INTS2: variants seen among roughly 807,000 people sequenced by gnomAD.
INTS2 encodes the protein integrator complex subunit 2, also known as KIAA1287.
Under a neutral mutation model 139.6 loss-of-function variants are expected in INTS2, and 57 were observed. That is an observed-to-expected ratio of 0.41 (90% CI 0.33 to 0.51). The LOEUF (loss-of-function observed/expected upper bound fraction) is 0.51, where lower values mean the gene tolerates loss of function less well. Among genes scored for constraint, INTS2 ranks in the 20% least tolerant of loss-of-function variants. The probability of loss-of-function intolerance (pLI) is 0.28; values close to 1 mark genes in which losing one functional copy is unlikely to be tolerated. For missense variants in INTS2, 1,196 were observed against 1,436.7 expected (o/e 0.83, Z 2.71); for synonymous variants, 473 against 493.4 (o/e 0.96, Z 0.55).
chr17:61,901,581 T>C (rs1456253497), intron 9 of INTS2, among the ~76,000 whole-genome samples: 6 of 25,936 alleles, frequency 2.3e-4, no homozygotes, highest in South Asian at 4.3e-3. Flanking sequence ...TGATTTCTTT[T>C]TTTTTTTTTT....
At chr17:61,902,926 G>A (rs751822984) in intron 9 of INTS2, among the ~76,000 whole-genome samples, 1 of 151,100 alleles carries the variant, frequency 6.6e-6, no homozygotes, top group Non-Finnish European at 1.5e-5. Flanking sequence ...CAGCACTTTG[G>A]GAGGCCGAGG....
intron 11 of INTS2, among the ~76,000 whole-genome samples, chr17:61,896,887 T>A (rs944301943): frequency 6.6e-6 from 1 of 152,194 alleles, no homozygotes; most frequent in Non-Finnish European, 1.5e-5. Flanking sequence ...GTCATACACT[T>A]TTCCTTAGCA....
chr17:61,902,382 G>A (rs558643151), intron 9 of INTS2, among the ~76,000 whole-genome samples: 1 of 151,932 alleles, frequency 6.6e-6, no homozygotes, highest in Non-Finnish European at 1.5e-5. Context: ...AATGATTGTC[G>A]TATTTTCTTA....
rs573094487 is a variant in INTS2, at chr17:61,873,575, C to A, written c.2583-1115G>T. ...TAAATCATTTTTTCAAGAAACAGCT[C>A]TTTTCTAGAAGTGTTATTTATTGTG... On this transcript the variant is annotated intron_variant, in intron 19 of 24. Coordinates refer to ENST00000251334, the MANE Select transcript of INTS2 (RefSeq NM_001351695.2). This position sits in a 1 kb window ranked among gnomAD's most constrained non-coding sequence, Gnocchi z 4.0. Among the ~76,000 whole-genome samples the A allele has an allele frequency of 6.6e-5, 10 of 152,196 alleles. No homozygotes were observed. Among genetic ancestry groups the A allele is most frequent in the African/African-American group, 2.4e-4 (10 of 41,532 alleles).
rs749849092 is a variant in INTS2, at chr17:61,912,059, G to A, written c.661C>T (p.Leu221=). 6.2e-7 allele frequency: 1 copy of A among 1,613,288 alleles called. No homozygotes were observed. Among genetic ancestry groups the A allele is most frequent in the Admixed American group, 1.7e-5 (1 of 59,918 alleles). The change falls in exon 6 of 25, where the codon CTG becomes TTG. Residue 221 remains leucine, a synonymous_variant. Transcript: ENST00000251334. ...PDSFNEVCRG[L]IKNGERQDEE... ...TCTTGTCGTTCTCCATTTTTTATCA[G>A]GCCCCTACAAACTAACATGATAGAA...
intron 15 of INTS2, among the ~76,000 whole-genome samples, chr17:61,887,186 A>C (rs536305450): frequency 6.6e-6 from 1 of 152,152 alleles, no homozygotes; most frequent in Non-Finnish European, 1.5e-5. Flanking sequence ...TGAGTTAACT[A>C]TAAGACTAAA....
In INTS2 at chr17:61,872,904, T is replaced by A. The variant is rs1309600331; in HGVS notation, c.2583-444A>T. 6.6e-6 allele frequency among the ~76,000 whole-genome samples: 1 copy of A among 152,152 alleles called. No homozygotes were observed. The highest frequency in any genetic ancestry group is 1.5e-5 in the Non-Finnish European group (1 of 68,022). ...AGTCTAATAAGAATATAAATTAAAA[T>A]GGGAATCTATTTTCACCTATCAAAT... On this transcript the variant is annotated intron_variant, in intron 19 of 24. Coordinates refer to ENST00000251334, the MANE Select transcript of INTS2 (RefSeq NM_001351695.2). This position sits in a 1 kb window ranked among gnomAD's most constrained non-coding sequence, Gnocchi z 4.8.
In INTS2 at chr17:61,875,091, G is replaced by A; in HGVS notation, c.2457-53C>T. ...AACAGTTTTTTATATATTAAAATCTGTAGCCATCCAGTCCTTTCTATCTTA... is the reference window on the plus strand; with the variant it reads ...AACAGTTTTTTATATATTAAAATCTATAGCCATCCAGTCCTTTCTATCTTA... On this transcript the variant is annotated intron_variant, in intron 18 of 24. Coordinates refer to ENST00000251334, the MANE Select transcript of INTS2 (RefSeq NM_001351695.2). The surrounding 1 kb of genome is among the most constrained non-coding windows in gnomAD (Gnocchi z 4.6). 2.2e-6 allele frequency: 3 copies of A among 1,335,532 alleles called. No homozygotes were observed. Among genetic ancestry groups the A allele is most frequent in the South Asian group, 1.6e-5 (1 of 62,342 alleles). 82.7% of individuals were successfully genotyped at this position (1,335,532 alleles called of 1,614,324 possible).
intron 8 of INTS2, among the ~76,000 whole-genome samples, chr17:61,906,229 C>A (rs1172557130): frequency 6.6e-6 from 1 of 152,102 alleles, no homozygotes; most frequent in Non-Finnish European, 1.5e-5. Flanking sequence ...CTCATTGGAG[C>A]ATTAAGGATT....
intron 5 of INTS2, among the ~76,000 whole-genome samples, chr17:61,913,563 G>A (rs1005867257): frequency 1.3e-5 from 2 of 151,904 alleles, no homozygotes; most frequent in African/African-American, 2.4e-5. Context: ...CAATCCTCCC[G>A]TTTTGGCCTC....
intron 7 of INTS2, chr17:61,911,194 A>C (rs2079523213): frequency 5.8e-6 from 2 of 342,966 alleles, no homozygotes; most frequent in Non-Finnish European, 1.0e-5. Flanking sequence ...CCCTGGCTTA[A>C]GCAATCTTCC....
At chr17:61,917,468 C>G (rs933978868) in intron 5 of INTS2, among the ~76,000 whole-genome samples, 2 of 152,206 alleles carry the variant, frequency 1.3e-5, no homozygotes, top group African/African-American at 4.8e-5. Flanking sequence ...GAAATCATGT[C>G]CTTTGCCGCA....
At position 61,867,692 on chromosome 17, in the gene INTS2, C is replaced by A; in HGVS notation, c.3456G>T (p.Trp1152Cys). The A allele has an allele frequency of 6.2e-7, 1 of 1,608,714 alleles. No homozygotes were observed. Among genetic ancestry groups the A allele is most frequent in the Non-Finnish European group, 8.5e-7 (1 of 1,177,472 alleles). The change falls in exon 25 of 25, where the codon TGG becomes TGT. Residue 1152 changes from tryptophan (W) to cysteine (C), a missense_variant. Coordinates refer to ENST00000251334, the MANE Select transcript of INTS2 (RefSeq NM_001351695.2). The surrounding 1 kb of genome is among the most constrained non-coding windows in gnomAD (Gnocchi z 5.6). ...LQQIKEKPSG[W>C]SQICKDSSYK... ...AAGATGAATCTTTACAGATTTGAGACCATCCACTTGGTTTCTCCTTTATTT... is the reference window on the plus strand; with the variant it reads ...AAGATGAATCTTTACAGATTTGAGAACATCCACTTGGTTTCTCCTTTATTT...
Position 61,867,408 on chromosome 17 carries a change from G to C in INTS2, c.*149C>G. The C allele has an allele frequency of 4.2e-6, 2 of 481,228 alleles. No homozygotes were observed. The highest frequency in any genetic ancestry group is 7.3e-6 in the Non-Finnish European group (2 of 275,432). The allele number at this position is 481,228 out of a possible 1,614,324, so 29.8% of individuals were successfully genotyped here. On this transcript the variant is annotated 3_prime_UTR_variant, in exon 25 of 25. Coordinates refer to ENST00000251334, the MANE Select transcript of INTS2 (RefSeq NM_001351695.2). This position sits in a 1 kb window ranked among gnomAD's most constrained non-coding sequence, Gnocchi z 5.6. ...AACAAGCAAGCATAATTCTCATAAA[G>C]TTCTAAACTATACTCATGTTGAATT...
rs776217436 is a variant in INTS2, at chr17:61,919,456, T to C, written c.593A>G (p.Asn198Ser). The change falls in exon 5 of 25, where the codon AAT becomes AGT. Residue 198 changes from asparagine to serine, a missense_variant. Around this residue, in one of 3 missense-constraint regions of INTS2, gnomAD observed 1,129 missense variants for 1,341.9 expected, o/e 0.84. Transcript: ENST00000251334. The stretch of plus-strand genomic sequence containing the variant: ...CAAGAGACACAAGAACCAGGCACCA[T>C]TTCTAACATGTAGCAAAGCTTCAGC... ...DVAEALLHVRNGAWFLCLLVA... is the reference protein window; with the variant it reads ...DVAEALLHVRSGAWFLCLLVA... 19 of 1,603,448 alleles carry C rather than the reference T, an allele frequency of 1.2e-5. No homozygotes were observed. The highest frequency in any genetic ancestry group is 1.5e-5 in the Non-Finnish European group (18 of 1,174,662).
Position 61,871,207 on chromosome 17 carries a change from G to A in INTS2, c.2778+1058C>T, listed in dbSNP as rs1023079837. 1.2e-4 allele frequency among the ~76,000 whole-genome samples: 19 copies of A among 152,224 alleles called. No individual in the cohort carries two copies. Among genetic ancestry groups the A allele is most frequent in the Admixed American group, 8.5e-4 (13 of 15,290 alleles). On this transcript the variant is annotated intron_variant, in intron 20 of 24. Coordinates refer to ENST00000251334, the MANE Select transcript of INTS2 (RefSeq NM_001351695.2). The surrounding 1 kb of genome is among the most constrained non-coding windows in gnomAD (Gnocchi z 4.9). ...ACGATCTCAGCTCACTGCAACCTCC[G>A]CCTCCCGGGTTCAAGCCATTCTCCT...
intron 15 of INTS2, 106 bp downstream of exon 15, chr17:61,889,680 G>C (rs2079269713): frequency 8.4e-6 from 5 of 592,594 alleles, no homozygotes; most frequent in South Asian, 2.0e-5. Flanking sequence ...AATGATACTA[G>C]AGTTTATTAA....
chr17:61,906,085 C>G (rs938998052), intron 8 of INTS2, among the ~76,000 whole-genome samples: 1 of 152,140 alleles, frequency 6.6e-6, no homozygotes, highest in Admixed American at 6.5e-5. Flanking sequence ...TGTTTTGGAA[C>G]ATGAGTTCAT....
intron 15 of INTS2, 52 bp downstream of exon 15, chr17:61,889,734 C>A: frequency 2.3e-6 from 2 of 851,752 alleles, no homozygotes; most frequent in South Asian, 1.6e-5. Flanking sequence ...TAACAAAATA[C>A]AAGCTAATAA....
Sources: allele counts gnomAD v4.1 joint callset (sites outside exome capture counted in the v4.1 genomes callset), GRCh38; gene constraint gnomAD v4.1.1; regional missense constraint gnomAD v4.1.1; non-coding constraint Gnocchi (gnomAD v3.1); transcripts MANE v1.5; gene names NCBI Gene and HGNC (gene_info 2026-07-23, HGNC 2026-07-21).